Variants in DLG2 observed in about 807,000 individuals in gnomAD.
DLG2 encodes disks large homolog 2.
DLG2 carries 45 observed loss-of-function variants against 132.5 expected under a neutral mutation model. The ratio of observed to expected loss-of-function variants is 0.34; its 90% CI spans 0.27 to 0.44. The LOEUF (loss-of-function observed/expected upper bound fraction) is 0.44, where lower values mean the gene tolerates loss of function less well. Among genes scored for constraint, DLG2 ranks in the 20% least tolerant of loss-of-function variants. DLG2 has a pLI of 1.00. For missense variants in DLG2, 1,045 were observed against 1,196.9 expected, an observed-to-expected ratio of 0.87 and a Z score of 1.87; for synonymous variants, 424 against 419.6, an observed-to-expected ratio of 1.01 and a Z score of -0.13.
At chr11:85,036,059 G>A (rs1040178299) in intron 6 of DLG2, among the ~76,000 whole-genome samples, 19 of 152,286 alleles carry the variant, frequency 1.2e-4, no homozygotes, top group African/African-American at 4.3e-4. Context: ...TATACCTGAA[G>A]CAAATTACTT....
At chr11:83,626,229 T>C (rs1027453757) in intron 19 of DLG2, among the ~76,000 whole-genome samples, 1 of 152,156 alleles carries the variant, frequency 6.6e-6, no homozygotes, top group South Asian at 2.1e-4. Flanking sequence ...AGGGAGTCAA[T>C]AGGCATGTTG....
At chr11:84,716,304 A>G (rs2061218557) in intron 6 of DLG2, among the ~76,000 whole-genome samples, 1 of 152,104 alleles carries the variant, frequency 6.6e-6, no homozygotes, top group East Asian at 1.9e-4. Flanking sequence ...AGTAAAGCAA[A>G]GGAATAATTG....
At chr11:84,363,918 T>C (rs968096814) in intron 7 of DLG2, among the ~76,000 whole-genome samples, 2 of 152,166 alleles carry the variant, frequency 1.3e-5, no homozygotes, top group African/African-American at 4.8e-5. Context: ...TGTAGCCTTG[T>C]AGTATAGTTT....
chr11:84,524,658 G>C (rs2099314595), intron 7 of DLG2, among the ~76,000 whole-genome samples: 1 of 152,026 alleles, frequency 6.6e-6, no homozygotes, highest in Non-Finnish European at 1.5e-5. Context: ...ACCATCTAGT[G>C]GCAAGAGATA....
Position 85,273,086 on chromosome 11 carries a change from T to C in DLG2, c.186+12134A>G, listed in dbSNP as rs559354888. On this transcript the variant is annotated intron_variant, in intron 4 of 27. Transcript: ENST00000376104. ...CTGAAACTGGATCCCTTCCTTACAC[T>C]TAATACAAAAATTAATTCAAGATGG... 3.9e-3 allele frequency among the ~76,000 whole-genome samples: 598 copies of C among 152,156 alleles called. 3 individuals are homozygous for C. Among genetic ancestry groups the C allele is most frequent in the African/African-American group, 0.014 (563 of 41,520 alleles).
intron 6 of DLG2, among the ~76,000 whole-genome samples, chr11:84,883,193 G>A (rs1024950042): frequency 1.3e-5 from 2 of 151,966 alleles, no homozygotes; most frequent in Non-Finnish European, 2.9e-5. Flanking sequence ...ATCATTCTCA[G>A]CAAATTAACA....
chr11:85,285,493 C>A, intron 3 of DLG2, 128 bp from the exon 4 acceptor site: 1 of 743,718 alleles, frequency 1.3e-6, no homozygotes, highest in Non-Finnish European at 2.1e-6. Flanking sequence ...ATATATATCC[C>A]AAAGTAAAAC....
intron 19 of DLG2, among the ~76,000 whole-genome samples, chr11:83,567,588 A>G (rs2096728979): frequency 6.6e-6 from 1 of 152,206 alleles, no homozygotes; most frequent in Admixed American, 6.6e-5. Context: ...AGTAGGAAAG[A>G]AAATTAATTT....
rs59452629 is a variant in DLG2, at chr11:85,582,660, C to CAAAAAAAAAAAAAAAAAAAAA, written c.40+15976_40+15996dup. Among the ~76,000 whole-genome samples the CAAAAAAAAAAAAAAAAAAAAA allele has an allele frequency of 5.5e-4, 15 of 27,142 alleles. 3 individuals carry two copies. Among genetic ancestry groups the CAAAAAAAAAAAAAAAAAAAAA allele is most frequent in the East Asian group, 1.4e-3 (1 of 698 alleles). 17.8% of individuals were successfully genotyped at this position (27,142 alleles called of 152,430 possible). ...GCAACATGGTGAAACCCCATCTCTA[C>CAAAAAAAAAAAAAAAAAAAAA]AAAAAAAAAAAAAAAAAAAAAAAAA... On this transcript the variant is annotated intron_variant, in intron 3 of 27. Coordinates refer to ENST00000376104, the MANE Select transcript of DLG2 (RefSeq NM_001142699.3).
At chr11:84,996,224 CT>C (rs2154128127) in intron 6 of DLG2, among the ~76,000 whole-genome samples, 1 of 152,076 alleles carries the variant, frequency 6.6e-6, no homozygotes, top group Non-Finnish European at 1.5e-5. Flanking sequence ...GGAATTTGTA[CT>C]TTTTAATCCA....
chr11:85,224,325 G>T (rs1388850724), intron 4 of DLG2, among the ~76,000 whole-genome samples: 1 of 152,106 alleles, frequency 6.6e-6, no homozygotes, highest in Non-Finnish European at 1.5e-5. Context: ...CTGCTTATAA[G>T]TGCACTTTAG....
chr11:84,652,155 G>A (rs192092945), intron 6 of DLG2, among the ~76,000 whole-genome samples: 2 of 152,284 alleles, frequency 1.3e-5, no homozygotes, highest in Admixed American at 1.3e-4. Flanking sequence ...GTTCCTGGAA[G>A]AGTAAATATT....
chr11:84,583,499 A>G (rs1565368139), intron 6 of DLG2, among the ~76,000 whole-genome samples: 2 of 152,362 alleles, frequency 1.3e-5, no homozygotes, highest in East Asian at 1.9e-4. Flanking sequence ...AAAACTTGCT[A>G]TCTTAACAAA....
chr11:84,981,799 T>C (rs1047468257), intron 6 of DLG2, among the ~76,000 whole-genome samples: 10 of 152,048 alleles, frequency 6.6e-5, no homozygotes, highest in African/African-American at 2.4e-4. Context: ...TTGTCAATAT[T>C]CACTGTTTCT....
intron 15 of DLG2, among the ~76,000 whole-genome samples, chr11:83,902,149 T>C (rs1249780182): frequency 6.6e-6 from 1 of 152,312 alleles, no homozygotes; most frequent in Non-Finnish European, 1.5e-5. Context: ...GCATATTCTA[T>C]AATGTATTCA....
chr11:84,497,038 G>A (rs962701982), intron 7 of DLG2, among the ~76,000 whole-genome samples: 17 of 152,034 alleles, frequency 1.1e-4, no homozygotes, highest in Non-Finnish European at 1.8e-4. Context: ...CTCTGGTCTC[G>A]CATAAGAACT....
At chr11:85,322,950 A>G (rs2081183371) in intron 3 of DLG2, among the ~76,000 whole-genome samples, 1 of 152,248 alleles carries the variant, frequency 6.6e-6, no homozygotes, top group African/African-American at 2.4e-5. Context: ...TTTTAAAATT[A>G]TAAGTCTGAT....
intron 18 of DLG2, among the ~76,000 whole-genome samples, chr11:83,759,443 C>T (rs2093801890): frequency 6.6e-6 from 1 of 152,204 alleles, no homozygotes; most frequent in South Asian, 2.1e-4. Flanking sequence ...ATCTGCTTGA[C>T]CCCCTTGGGC....
At chr11:85,557,983 CT>C (rs1303635280) in intron 3 of DLG2, among the ~76,000 whole-genome samples, 1 of 151,882 alleles carries the variant, frequency 6.6e-6, no homozygotes, top group African/African-American at 2.4e-5. Context: ...CAAAGAGTTT[CT>C]GCACAGCAAA....
Sources: gnomAD v4.1 joint callset for allele counts (sites outside exome capture counted in the v4.1 genomes callset) on GRCh38, gnomAD v4.1.1 for gene constraint, MANE v1.5 for transcripts, NCBI Gene and HGNC (gene_info 2026-07-23, HGNC 2026-07-21) for gene names.